The following SCHIP1 variants were observed in gnomAD, a reference collection of about 807,000 sequenced individuals.
SCHIP1 encodes schwannomin interacting protein 1, also known as schwannomin-interacting protein 1.
SCHIP1 carries 8 observed loss-of-function variants against 29.7 expected under a neutral mutation model. That is an observed-to-expected ratio of 0.27 (90% CI 0.16 to 0.49). The LOEUF (loss-of-function observed/expected upper bound fraction) is 0.49, where lower values mean the gene tolerates loss of function less well. SCHIP1 is among the 20% of genes least tolerant of loss of function. The pLI, the probability that SCHIP1 is intolerant of heterozygous loss-of-function variation, is 0.99. For missense variants in SCHIP1, 193 were observed against 294.6 expected (o/e 0.66, Z 2.52); for synonymous variants, 76 against 94.9 (o/e 0.80, Z 1.16).
At chr3:159,468,696 C>A in the SCHIP1 span, among the ~76,000 whole-genome samples, 1 of 144,054 alleles carries the variant, frequency 6.9e-6, no homozygotes. Context: ...AACTGCCAAT[C>A]AATAGGGAAA....
the SCHIP1 span, among the ~76,000 whole-genome samples, chr3:159,293,586 G>A: frequency 5.3e-5 from 8 of 152,194 alleles, no homozygotes; most frequent in African/African-American, 1.2e-4. Context: ...ACAATGCCAA[G>A]TAGCAATCTG....
chr3:159,282,978 T>G, the SCHIP1 span, among the ~76,000 whole-genome samples: 26 of 152,090 alleles, frequency 1.7e-4, 1 homozygote, highest in East Asian at 4.9e-3. Flanking sequence ...ATTTAGAGAC[T>G]TTAATAGCAA....
At chr3:159,543,075 A>G in the SCHIP1 span, among the ~76,000 whole-genome samples, 5 of 148,914 alleles carry the variant, frequency 3.4e-5, no homozygotes, top group African/African-American at 1.3e-4. Context: ...ACACATATAT[A>G]TACACATGTT....
intron 1 of SCHIP1, among the ~76,000 whole-genome samples, chr3:159,857,191 C>T (rs578078094): frequency 7.9e-5 from 12 of 152,308 alleles, no homozygotes; most frequent in African/African-American, 2.6e-4. Context: ...CATTGGCACA[C>T]CTCGGTTAGC....
the SCHIP1 span, among the ~76,000 whole-genome samples, chr3:159,334,312 G>T: frequency 1.3e-5 from 2 of 152,222 alleles, no homozygotes; most frequent in African/African-American, 2.4e-5. Flanking sequence ...AATCTATAGA[G>T]ATTTTCTATA....
At chr3:159,671,287 C>T in the SCHIP1 span, among the ~76,000 whole-genome samples, 4,621 of 152,298 alleles carry the variant, frequency 0.03, 170 homozygotes, top group African/African-American at 0.082. Flanking sequence ...CTTGTGAGCA[C>T]AGTGAAGCCT....
the SCHIP1 span, among the ~76,000 whole-genome samples, chr3:159,409,802 G>C: frequency 6.6e-6 from 1 of 151,882 alleles, no homozygotes; most frequent in African/African-American, 2.4e-5. Flanking sequence ...TTTATAAAAA[G>C]ACCCAGAATA....
the SCHIP1 span, among the ~76,000 whole-genome samples, chr3:159,681,897 G>T: frequency 1.2e-4 from 18 of 147,236 alleles, no homozygotes; most frequent in Non-Finnish European, 2.4e-4. Flanking sequence ...GGTTAACTTG[G>T]GTTAACTCAA....
chr3:159,707,259 G>A, the SCHIP1 span, among the ~76,000 whole-genome samples: 5,305 of 152,108 alleles, frequency 0.035, 125 homozygotes, highest in Non-Finnish European at 0.056. Flanking sequence ...AATAAAATAC[G>A]CCTCATCAAA....
At chr3:159,297,362 G>A in the SCHIP1 span, among the ~76,000 whole-genome samples, 9 of 151,980 alleles carry the variant, frequency 5.9e-5, no homozygotes, top group Admixed American at 2.0e-4. Flanking sequence ...TTAATTTTTC[G>A]AGGAACCTCC....
chr3:159,654,809 A>AAG, the SCHIP1 span, among the ~76,000 whole-genome samples: 1 of 151,618 alleles, frequency 6.6e-6, no homozygotes, highest in African/African-American at 2.4e-5. Context: ...AAGTAAAAAA[A>AAG]AAAAAAAAAA....
the SCHIP1 span, chr3:159,274,291 G>T: frequency 9.1e-6 from 9 of 984,928 alleles, no homozygotes; most frequent in South Asian, 3.8e-4. Flanking sequence ...GGGAAGATCA[G>T]TGTTAAACTT....
intron 2 of SCHIP1, among the ~76,000 whole-genome samples, chr3:159,869,354 A>G (rs1427100569): frequency 2.6e-5 from 4 of 151,968 alleles, no homozygotes; most frequent in Admixed American, 1.3e-4. Flanking sequence ...TAGATTTCCT[A>G]CCAAGAGTCG....
At chr3:159,588,657 A>T in the SCHIP1 span, among the ~76,000 whole-genome samples, 1 of 152,298 alleles carries the variant, frequency 6.6e-6, no homozygotes, top group South Asian at 2.1e-4. Flanking sequence ...TGTAAGGAAG[A>T]GATCCAGTTT....
At chr3:159,382,483 A>G in the SCHIP1 span, among the ~76,000 whole-genome samples, 1 of 151,968 alleles carries the variant, frequency 6.6e-6, no homozygotes, top group African/African-American at 2.4e-5. Context: ...TATATGTGCC[A>G]CATTTTCTTA....
At chr3:159,314,676 G>A in the SCHIP1 span, among the ~76,000 whole-genome samples, 7 of 152,158 alleles carry the variant, frequency 4.6e-5, no homozygotes, top group African/African-American at 1.7e-4. Flanking sequence ...AAGCAGGAAA[G>A]AACCTGGATC....
In SCHIP1 at chr3:159,861,182, A is replaced by G; in HGVS notation, c.31-4981A>G. 6.6e-6 allele frequency among the ~76,000 whole-genome samples: 1 copy of G among 152,182 alleles called. No homozygotes were observed. Among genetic ancestry groups the G allele is most frequent in the African/African-American group, 2.4e-5 (1 of 41,436 alleles). ...GCTGAAGGCTTCTTGCTTCAGAGACACCACAATGCTGCTAGTAAGGTGGGC... is the reference window on the plus strand; with the variant it reads ...GCTGAAGGCTTCTTGCTTCAGAGACGCCACAATGCTGCTAGTAAGGTGGGC... On this transcript the variant is annotated intron_variant, in intron 1 of 6. Coordinates refer to ENST00000445224, the Ensembl canonical transcript of SCHIP1. The surrounding 1 kb of genome is among the most constrained non-coding windows in gnomAD (Gnocchi z 4.1).
the SCHIP1 span, among the ~76,000 whole-genome samples, chr3:159,469,759 T>C: frequency 1.4e-3 from 218 of 152,320 alleles, no homozygotes; most frequent in African/African-American, 5.0e-3. Context: ...GAACTAGTGA[T>C]TGTTACTTTT....
the SCHIP1 span, among the ~76,000 whole-genome samples, chr3:159,687,174 G>A: frequency 6.6e-6 from 1 of 152,006 alleles, no homozygotes; most frequent in African/African-American, 2.4e-5. Flanking sequence ...CATCTAGGAA[G>A]CTATATTTTC....
Sources: gnomAD v4.1 joint callset for allele counts (sites outside exome capture counted in the v4.1 genomes callset) on GRCh38, gnomAD v4.1.1 for gene constraint, Gnocchi (gnomAD v3.1) non-coding constraint, MANE v1.5 for transcripts, NCBI Gene and HGNC (gene_info 2026-07-23, HGNC 2026-07-21) for gene names.